The following KDM4C variants were observed in gnomAD, a reference collection of about 807,000 sequenced individuals.
KDM4C encodes lysine demethylase 4C.
In KDM4C, 81 loss-of-function variants were observed where a neutral mutation model predicts 129.3. That is an observed-to-expected ratio of 0.63 (90% CI 0.52 to 0.75). The LOEUF (loss-of-function observed/expected upper bound fraction) is 0.75, where lower values mean the gene tolerates loss of function less well. Ranked by LOEUF, KDM4C falls within the 30% of genes least tolerant of loss-of-function variation. The pLI is 0.00. For synonymous variants in KDM4C, 573 were observed against 456.1 expected (o/e 1.26, Z -3.26); for missense variants, 1,457 against 1,304.0 (o/e 1.12, Z -1.81).
intron 1 of KDM4C, among the ~76,000 whole-genome samples, chr9:6,733,020 A>G (rs904707654): frequency 1.3e-5 from 2 of 151,370 alleles, no homozygotes; most frequent in Non-Finnish European, 2.9e-5. Flanking sequence ...CTCAAAAAAT[A>G]AAAAAAAGAA....
intron 4 of KDM4C, among the ~76,000 whole-genome samples, chr9:6,832,453 T>A (rs1588571766): frequency 7.3e-6 from 1 of 136,866 alleles, no homozygotes; most frequent in Non-Finnish European, 1.6e-5. Context: ...TGAGGTGGAG[T>A]CTCGCTCTGT....
intron 8 of KDM4C, chr9:6,978,587 GTCATTCCTT>G (rs143072724): frequency 0.046 from 6,982 of 152,090 alleles, 237 homozygotes; most frequent in East Asian, 0.23. Context: ...TGTCCTTGGA[GTCATTCCTT>G]TCTTTTTTTC....
At position 7,123,921 on chromosome 9, in the gene KDM4C, A is replaced by G. The variant is rs998824089; in HGVS notation, c.2611-4145A>G. Among the ~76,000 whole-genome samples the G allele has an allele frequency of 6.6e-5, 10 of 152,172 alleles. No individual in the cohort carries two copies. The East Asian group carries it at 1.7e-3, about 26-fold the overall frequency. ...TGAGAAGTCAGGGTGCTGCCCACTCATCCATGCCAATGACTCAGATACCAT... is the reference window on the plus strand; with the variant it reads ...TGAGAAGTCAGGGTGCTGCCCACTCGTCCATGCCAATGACTCAGATACCAT... On this transcript the variant is annotated intron_variant, in intron 18 of 21. Coordinates refer to ENST00000381309, the MANE Select transcript of KDM4C (RefSeq NM_015061.6).
chr9:6,872,634 C>CT (rs1563736091), intron 5 of KDM4C, among the ~76,000 whole-genome samples: 1 of 152,102 alleles, frequency 6.6e-6, no homozygotes, highest in Non-Finnish European at 1.5e-5. Flanking sequence ...CCTTCTTTGT[C>CT]TTTTTTGGTC....
intron 4 of KDM4C, among the ~76,000 whole-genome samples, chr9:6,815,624 C>T (rs190872538): frequency 6.6e-6 from 1 of 152,214 alleles, no homozygotes; most frequent in African/African-American, 2.4e-5. Context: ...CATCCTTCAT[C>T]CAGAAATCCA....
intron 4 of KDM4C, among the ~76,000 whole-genome samples, chr9:6,823,625 C>G (rs1833396783): frequency 6.6e-6 from 1 of 152,212 alleles, no homozygotes; most frequent in South Asian, 2.1e-4. Context: ...CTGCTGCCTC[C>G]AGATCTCCAA....
intron 8 of KDM4C, among the ~76,000 whole-genome samples, chr9:6,932,496 G>A (rs1823936210): frequency 6.6e-6 from 1 of 152,202 alleles, no homozygotes; most frequent in Non-Finnish European, 1.5e-5. Context: ...AGTTTAGAGA[G>A]ATGCTACAGT....
At chr9:6,957,753 A>G (rs1026693918) in intron 8 of KDM4C, among the ~76,000 whole-genome samples, 3 of 152,156 alleles carry the variant, frequency 2.0e-5, no homozygotes, top group Admixed American at 6.5e-5. Flanking sequence ...GGGTGAAAAC[A>G]TGGCATGCAC....
chr9:6,888,480 T>A (rs1030248124), intron 7 of KDM4C, among the ~76,000 whole-genome samples: 26 of 152,212 alleles, frequency 1.7e-4, no homozygotes, highest in African/African-American at 5.8e-4. Flanking sequence ...CATTTAGACA[T>A]AATACAATCG....
At chr9:7,037,728 A>G (rs966052472) in intron 15 of KDM4C, among the ~76,000 whole-genome samples, 4 of 152,026 alleles carry the variant, frequency 2.6e-5, no homozygotes, top group African/African-American at 7.2e-5. Context: ...TCTTTTAACC[A>G]CCCTGAGGAA....
At chr9:6,819,958 A>C (rs1006423762) in intron 4 of KDM4C, among the ~76,000 whole-genome samples, 4 of 152,110 alleles carry the variant, frequency 2.6e-5, no homozygotes, top group Non-Finnish European at 5.9e-5. Flanking sequence ...TTTTTCCTTG[A>C]ATTTCTAGTG....
At chr9:6,774,445 A>C (rs55900641) in intron 1 of KDM4C, among the ~76,000 whole-genome samples, 8,126 of 152,174 alleles carry the variant, frequency 0.053, 267 homozygotes, top group East Asian at 0.12. Context: ...TGTGCGAATC[A>C]CTTGAGCCCA....
intron 1 of KDM4C, among the ~76,000 whole-genome samples, chr9:6,725,904 G>A (rs1360292952): frequency 2.1e-5 from 3 of 142,830 alleles, no homozygotes; most frequent in Non-Finnish European, 4.6e-5. Flanking sequence ...GTAGAGATGG[G>A]GTTTCTTTCT....
intron 1 of KDM4C, among the ~76,000 whole-genome samples, chr9:6,740,637 G>C (rs905178253): frequency 1.3e-5 from 2 of 152,132 alleles, no homozygotes; most frequent in East Asian, 3.9e-4. Flanking sequence ...TCCTGCCTCA[G>C]CCTCCGGAGT....
At chr9:7,063,731 C>T (rs1235801811) in intron 17 of KDM4C, among the ~76,000 whole-genome samples, 1 of 152,126 alleles carries the variant, frequency 6.6e-6, no homozygotes, top group African/African-American at 2.4e-5. Context: ...CAGTGTGGGA[C>T]AGTAGAAAAA....
intron 8 of KDM4C, among the ~76,000 whole-genome samples, chr9:6,912,267 C>T (rs773326068): frequency 6.3e-4 from 96 of 152,186 alleles, no homozygotes; most frequent in Non-Finnish European, 1.1e-3. Flanking sequence ...CTAACGAATA[C>T]TTGATACCAT....
chr9:7,119,294 A>G (rs938641096), intron 18 of KDM4C, among the ~76,000 whole-genome samples: 1 of 152,200 alleles, frequency 6.6e-6, no homozygotes, highest in Non-Finnish European at 1.5e-5. Flanking sequence ...GTCATTAAAT[A>G]TCCCAGGTGA....
Position 7,063,805 on chromosome 9 carries a change from AG to A in KDM4C, c.2424+14608del, listed in dbSNP as rs146050602. Among the ~76,000 whole-genome samples the A allele has an allele frequency of 7.1e-3, 1,084 of 152,276 alleles. 15 individuals carry two copies. The highest frequency in any genetic ancestry group is 0.024 in the African/African-American group (1,008 of 41,564). Reference sequence around the variant, plus strand: ...AGCCCTGGAGAGCTAGCTGGGAGGGAGGGTTCAGAAGAATGAACAGCATGCT... The same window carrying A: ...AGCCCTGGAGAGCTAGCTGGGAGGGAGGTTCAGAAGAATGAACAGCATGCT... On this transcript the variant is annotated intron_variant, in intron 17 of 21. Transcript: ENST00000381309.
intron 15 of KDM4C, among the ~76,000 whole-genome samples, chr9:7,022,671 G>C (rs1234195421): frequency 6.9e-6 from 1 of 144,644 alleles, no homozygotes; most frequent in Non-Finnish European, 1.5e-5. Context: ...CGCTGGCTAG[G>C]ATTTCCAGTA....
Sources: allele counts gnomAD v4.1 joint callset (sites outside exome capture counted in the v4.1 genomes callset), GRCh38; gene constraint gnomAD v4.1.1; transcripts MANE v1.5; gene names NCBI Gene and HGNC (gene_info 2026-07-23, HGNC 2026-07-21).